TRMT44: variants seen among roughly 807,000 people sequenced by gnomAD.
TRMT44 encodes the protein tRNA methyltransferase 44 homolog.
In TRMT44, 78 loss-of-function variants were observed where a neutral mutation model predicts 77.3. That is an observed-to-expected ratio of 1.01 (90% confidence interval 0.84 to 1.22). The LOEUF (loss-of-function observed/expected upper bound fraction) is 1.22, where lower values mean the gene tolerates loss of function less well. Among genes scored for constraint, TRMT44 ranks in the 50% most tolerant of loss-of-function variants. TRMT44 has a pLI of 0.00. For missense variants in TRMT44, 1,090 were observed against 964.4 expected (o/e 1.13, Z -1.73); for synonymous variants, 391 against 383.3 (o/e 1.02, Z -0.23).
chr4:8,495,395 G>A (rs989684656), downstream of TRMT44, among the ~76,000 whole-genome samples: 5 of 152,296 alleles, frequency 3.3e-5, no homozygotes, highest in Middle Eastern at 6.8e-3. Context: ...TTCCCTGTGA[G>A]GCCCTTGACC....
chr4:8,497,567 C>T (rs1366977995), downstream of TRMT44, among the ~76,000 whole-genome samples: 8 of 152,186 alleles, frequency 5.3e-5, no homozygotes, highest in South Asian at 1.7e-3. Flanking sequence ...ATTGCATGAA[C>T]CCAGGAAGCG....
intron 2 of TRMT44, among the ~76,000 whole-genome samples, chr4:8,483,232 ATT>A (rs1230934129): frequency 1.3e-5 from 2 of 152,224 alleles, no homozygotes; most frequent in East Asian, 3.8e-4. Flanking sequence ...GCCAGCAAAG[ATT>A]ATTTATTTAC....
the TRMT44 span, among the ~76,000 whole-genome samples, chr4:8,507,909 GT>G: frequency 6.1e-5 from 5 of 82,210 alleles, no homozygotes; most frequent in Admixed American, 1.7e-4. Context: ...GATTTGTTTT[GT>G]TTTGTTTTGT....
intron 10 of TRMT44, among the ~76,000 whole-genome samples, chr4:8,471,865 C>T (rs1727026972): frequency 6.6e-6 from 1 of 152,210 alleles, no homozygotes; most frequent in Non-Finnish European, 1.5e-5. Flanking sequence ...GGAGATGTAG[C>T]AGGTGCTCAC....
rs1185909858 is a variant in TRMT44 at position 8,446,235 on chromosome 4, C to T, written c.620-241C>T. On this transcript the variant is annotated intron_variant, in intron 1 of 10. Transcript: ENST00000389737. This position sits in a 1 kb window ranked among gnomAD's most constrained non-coding sequence, Gnocchi z 4.3. ...CATTGGCTGGCTCTTCCCTCAGGTCCTGGCTCATGCATCTCTCAACAGATA... is the reference window on the plus strand; with the variant it reads ...CATTGGCTGGCTCTTCCCTCAGGTCTTGGCTCATGCATCTCTCAACAGATA... Among the ~76,000 whole-genome samples the T allele has an allele frequency of 2.0e-5, 3 of 152,198 alleles. No individual in the cohort carries two copies. The highest frequency in any genetic ancestry group is 2.1e-4 in the South Asian group (1 of 4,820).
intron 1 of TRMT44, among the ~76,000 whole-genome samples, chr4:8,442,645 T>A (rs961557539): frequency 9.2e-5 from 14 of 152,264 alleles, no homozygotes; most frequent in African/African-American, 2.9e-4. Flanking sequence ...GGAAGGAATC[T>A]GTTCTCAGGC....
At chr4:8,475,577 A>C (rs533546347) in intron 10 of TRMT44, among the ~76,000 whole-genome samples, 195 bp from the exon 11 acceptor site, 2 of 152,284 alleles carry the variant, frequency 1.3e-5, no homozygotes, top group East Asian at 3.9e-4. Context: ...GCCTTGCCTG[A>C]AGACACATCC....
intron 2 of TRMT44, chr4:8,493,249 C>T (rs1728061429): frequency 6.6e-6 from 1 of 152,182 alleles, no homozygotes; most frequent in South Asian, 2.1e-4. Flanking sequence ...AAGATGAGTG[C>T]TTAACATCTT....
At chr4:8,449,962 T>TTC in intron 3 of TRMT44, 74 bp downstream of exon 3, 1 of 827,564 alleles carries the variant, frequency 1.2e-6, no homozygotes, top group Non-Finnish European at 1.7e-6. Context: ...TTTTTTTTTT[T>TTC]TTTTTTTTTT....
chr4:8,449,944 C>CTTTTTTTTTTT, intron 3 of TRMT44, 56 bp downstream of exon 3: 1 of 376,692 alleles, frequency 2.7e-6, no homozygotes, highest in Non-Finnish European at 3.8e-6. Flanking sequence ...CTTTTCTTTT[C>CTTTTTTTTTTT]TTTTCTTTTT....
At chr4:8,483,903 G>A (rs1276546476) in intron 2 of TRMT44, among the ~76,000 whole-genome samples, 1 of 152,184 alleles carries the variant, frequency 6.6e-6, no homozygotes, top group Admixed American at 6.5e-5. Flanking sequence ...CTGACTCAGG[G>A]CATGTTGAGT....
chr4:8,442,559 G>C (rs1354517418), intron 1 of TRMT44, among the ~76,000 whole-genome samples: 1 of 152,224 alleles, frequency 6.6e-6, no homozygotes, highest in East Asian at 1.9e-4. Context: ...GGCTCTGCTG[G>C]TTTCTCCGCT....
intron 5 of TRMT44, chr4:8,453,700 C>T (rs908929501): frequency 6.6e-6 from 1 of 152,174 alleles, no homozygotes; most frequent in Admixed American, 6.5e-5. Context: ...CTGCCAGCAA[C>T]TTATACCCCT....
Position 8,461,349 on chromosome 4 carries a change from G to T in TRMT44, c.1204-2636G>T, listed in dbSNP as rs1579062389. On this transcript the variant is annotated intron_variant, in intron 6 of 10. Coordinates refer to ENST00000389737, the MANE Select transcript of TRMT44 (RefSeq NM_152544.3). This position sits in a 1 kb window ranked among gnomAD's most constrained non-coding sequence, Gnocchi z 4.6. ...ACTCTCACACATGTCCCAGAATCGG[G>T]CTCTAAACTTGGCTATGAAGTTAAT... Among the ~76,000 whole-genome samples the T allele has an allele frequency of 6.6e-6, 1 of 152,306 alleles. No individual in the cohort carries two copies. Among genetic ancestry groups the T allele is most frequent in the South Asian group, 2.1e-4 (1 of 4,828 alleles).
At chr4:8,463,538 G>C (rs1181607537) in intron 6 of TRMT44, among the ~76,000 whole-genome samples, 1 of 152,132 alleles carries the variant, frequency 6.6e-6, no homozygotes, top group Admixed American at 6.5e-5. Flanking sequence ...TAGATTGAAA[G>C]GCCTGTGAGG....
At chr4:8,458,138 C>T (rs1053920718) in intron 6 of TRMT44, among the ~76,000 whole-genome samples, 2 of 152,204 alleles carry the variant, frequency 1.3e-5, no homozygotes, top group African/African-American at 4.8e-5. Flanking sequence ...GCCATAGACT[C>T]TTCTGCGATA....
intron 2 of TRMT44, among the ~76,000 whole-genome samples, chr4:8,449,184 C>T (rs546426435): frequency 2.0e-5 from 3 of 152,214 alleles, no homozygotes; most frequent in African/African-American, 7.2e-5. Context: ...TGTCATGAAC[C>T]TTCTGATGGC....
At chr4:8,485,865 C>T (rs1727787070) in intron 2 of TRMT44, among the ~76,000 whole-genome samples, 1 of 152,056 alleles carries the variant, frequency 6.6e-6, no homozygotes, top group Non-Finnish European at 1.5e-5. Flanking sequence ...GCTGTCAATA[C>T]CCACAACAGT....
downstream of TRMT44, among the ~76,000 whole-genome samples, chr4:8,494,958 G>A (rs565808170): frequency 6.6e-6 from 1 of 152,310 alleles, no homozygotes; most frequent in South Asian, 2.1e-4. Context: ...GAAACATCGC[G>A]ATGTAGTGCA....
Sources: allele counts gnomAD v4.1 joint callset (sites outside exome capture counted in the v4.1 genomes callset), GRCh38; gene constraint gnomAD v4.1.1; non-coding constraint Gnocchi (gnomAD v3.1); transcripts MANE v1.5; gene names NCBI Gene and HGNC (gene_info 2026-07-23, HGNC 2026-07-21).